EBF3: variants seen among roughly 807,000 people sequenced by gnomAD.
The protein encoded by EBF3 is EBF transcription factor 3.
EBF3 carries 18 observed loss-of-function variants against 77.1 expected under a neutral mutation model. The ratio of observed to expected loss-of-function variants is 0.23; its 90% CI spans 0.16 to 0.35. The LOEUF (loss-of-function observed/expected upper bound fraction) is 0.35. Ranked by LOEUF, EBF3 falls within the 10% of genes least tolerant of loss-of-function variation. The probability of loss-of-function intolerance (pLI) is 1.00; values close to 1 mark genes in which losing one functional copy is unlikely to be tolerated. For synonymous variants in EBF3, 350 were observed against 343.5 expected (o/e 1.02, Z -0.21); for missense variants, 558 against 860.0 (o/e 0.65, Z 4.39).
In EBF3 at chr10:129,837,568, A is replaced by G; in HGVS notation, c.*375T>C. The stretch of plus-strand genomic sequence containing the variant: ...TTCATCAGCGTTTCATGATCATCAA[A>G]ATGGTGCATTCACAAAGTTTCTCCC... On this transcript the variant is annotated 3_prime_UTR_variant, in exon 17 of 17. Coordinates refer to ENST00000440978, the MANE Select transcript of EBF3 (RefSeq NM_001375380.1). 4.4e-6 allele frequency: 1 copy of G among 228,740 alleles called. No individual in the cohort carries two copies. The highest frequency in any genetic ancestry group is 8.6e-6 in the Non-Finnish European group (1 of 116,600). The allele number at this position is 228,740 out of a possible 1,614,324, so 14.2% of individuals were successfully genotyped here.
chr10:129,838,059 G>T (rs1849728476), intron 16 of EBF3, 99 bp from the exon 17 acceptor site: 1 of 1,444,420 alleles, frequency 6.9e-7, no homozygotes, highest in Admixed American at 1.8e-5. Context: ...CTATTCAACT[G>T]GGAGGCTGGT....
intron 6 of EBF3, among the ~76,000 whole-genome samples, chr10:129,953,387 T>G (rs890334394): frequency 3.3e-5 from 5 of 151,830 alleles, no homozygotes; most frequent in Admixed American, 3.3e-4. Flanking sequence ...TGACAAAACT[T>G]CATCCTCCCC....
chr10:129,946,682 G>A (rs189779265), intron 6 of EBF3, among the ~76,000 whole-genome samples: 115 of 152,310 alleles, frequency 7.6e-4, no homozygotes, highest in African/African-American at 1.5e-3. Flanking sequence ...CAAGAGCTCC[G>A]GTGACCAACA....
Position 129,850,164 on chromosome 10 carries a change from C to T in EBF3, c.1040-1684G>A, listed in dbSNP as rs568639132. On this transcript the variant is annotated intron_variant, in intron 10 of 16. Transcript: ENST00000440978. ...ATTTCTAACGTGTCAGGTTTCTCCT[C>T]TCCCCCAGCTAATCACCATGACTGT... Among the ~76,000 whole-genome samples, 11 of 152,374 alleles carry T rather than the reference C, an allele frequency of 7.2e-5. No homozygotes were observed. In the South Asian group the frequency reaches 2.3e-3, roughly 32 times the overall value.
chr10:129,865,503 G>C (rs900173481), intron 10 of EBF3, among the ~76,000 whole-genome samples: 2 of 152,166 alleles, frequency 1.3e-5, no homozygotes, highest in African/African-American at 4.8e-5. Flanking sequence ...CTGAGCGCCT[G>C]GTCCTGTGTG....
At chr10:129,925,591 C>CAAAAAAAAAAA in intron 6 of EBF3, among the ~76,000 whole-genome samples, 1 of 114,578 alleles carries the variant, frequency 8.7e-6, no homozygotes, top group Non-Finnish European at 1.8e-5. Context: ...GACTCCATCT[C>CAAAAAAAAAAA]AAAAAAAAAA....
chr10:129,837,795 G>C lies in EBF3; in HGVS notation c.*148C>G. The stretch of plus-strand genomic sequence containing the variant: ...AGTTTAAATAAAATCTTTAAACAAA[G>C]TCTTTTGTAGCATTTCAATTGCTGC... On this transcript the variant is annotated 3_prime_UTR_variant, in exon 17 of 17. Coordinates refer to ENST00000440978, the MANE Select transcript of EBF3 (RefSeq NM_001375380.1). 5 of 1,008,102 alleles carry C rather than the reference G, an allele frequency of 5.0e-6. No homozygotes were observed. The highest frequency in any genetic ancestry group is 7.4e-6 in the Non-Finnish European group (5 of 675,836). 62.4% of individuals were successfully genotyped at this position (1,008,102 alleles called of 1,614,324 possible).
At chr10:129,908,490 T>C (rs1855296009) in intron 6 of EBF3, among the ~76,000 whole-genome samples, 2 of 152,108 alleles carry the variant, frequency 1.3e-5, no homozygotes, top group South Asian at 4.1e-4. Context: ...CGAATACAAA[T>C]CTCATTCCAA....
intron 6 of EBF3, among the ~76,000 whole-genome samples, chr10:129,912,203 CAAGGTAGAGGGAGAGGCAAGCTGG>C (rs1564881689): frequency 6.6e-6 from 1 of 152,160 alleles, no homozygotes; most frequent in East Asian, 1.9e-4. Flanking sequence ...TCCTGGCCTC[CAAGGTAGAGGGAGAGGCAAGCTGG>C]ACCCCGGAAC....
chr10:129,963,581 G>T lies in EBF3; in HGVS notation c.134+54C>A, dbSNP rs1477282189. 2 of 1,231,804 alleles carry T rather than the reference G, an allele frequency of 1.6e-6. No individual in the cohort carries two copies. Among genetic ancestry groups the T allele is most frequent in the East Asian group, 8.8e-5 (2 of 22,606 alleles). The allele number at this position is 1,231,804 out of a possible 1,614,324, so 76.3% of individuals were successfully genotyped here. A position where few individuals can be genotyped will look rare whatever the true frequency, so the allele number is the denominator to read the frequency against. ...GAGCGCGGCGCCGGCCGGCGGAGGG[G>T]GCCGGGCCGGGCCGGGGCCGGGGCC... On this transcript the variant is annotated intron_variant, in intron 1 of 16. Transcript: ENST00000440978. The surrounding 1 kb of genome is among the most constrained non-coding windows in gnomAD (Gnocchi z 7.1).
At chr10:129,853,938 T>C (rs1474915406) in intron 10 of EBF3, among the ~76,000 whole-genome samples, 1 of 152,198 alleles carries the variant, frequency 6.6e-6, no homozygotes, top group African/African-American at 2.4e-5. Context: ...GAGCAAATGA[T>C]TGTGCGGTGA....
chr10:129,871,923 A>G (rs1158800269), intron 8 of EBF3, among the ~76,000 whole-genome samples: 1 of 152,202 alleles, frequency 6.6e-6, no homozygotes. Context: ...AAAAATCCTG[A>G]GCAAGACTGC....
At position 129,885,164 on chromosome 10, in the gene EBF3, A is replaced by T. The variant is rs1853483732; in HGVS notation, c.555-7315T>A. Reference sequence around the variant, plus strand: ...TCAAGAGGCACTTATAGATACCATGATCTTGTACTTTTGCAATGATTCTCA... The same window carrying T: ...TCAAGAGGCACTTATAGATACCATGTTCTTGTACTTTTGCAATGATTCTCA... On this transcript the variant is annotated intron_variant, in intron 6 of 16. Transcript: ENST00000440978. This position sits in a 1 kb window ranked among gnomAD's most constrained non-coding sequence, Gnocchi z 4.0. 1.3e-5 allele frequency among the ~76,000 whole-genome samples: 2 copies of T among 152,202 alleles called. No homozygotes were observed. Among genetic ancestry groups the T allele is most frequent in the South Asian group, 4.1e-4 (2 of 4,832 alleles).
In EBF3 at chr10:129,943,112, G is replaced by A. The variant is rs535197506; in HGVS notation, c.554+14146C>T. 2.0e-4 allele frequency among the ~76,000 whole-genome samples: 31 copies of A among 152,274 alleles called. No individual in the cohort carries two copies. Among genetic ancestry groups the A allele is most frequent in the South Asian group, 6.2e-4 (3 of 4,824 alleles). On this transcript the variant is annotated intron_variant, in intron 6 of 16. Coordinates refer to ENST00000440978, the MANE Select transcript of EBF3 (RefSeq NM_001375380.1). This position sits in a 1 kb window ranked among gnomAD's most constrained non-coding sequence, Gnocchi z 8.8. The stretch of plus-strand genomic sequence containing the variant: ...ATGGGAATGACTGGATCACTCCACC[G>A]GCTGCTCAAGAAGCCAACAACTTCC...
rs141802774 is a variant in EBF3 at position 129,947,002 on chromosome 10, G to A, written c.554+10256C>T. Among the ~76,000 whole-genome samples, 20 of 152,290 alleles carry A rather than the reference G, an allele frequency of 1.3e-4. No individual in the cohort carries two copies. In the East Asian group the frequency reaches 2.1e-3, roughly 16 times the overall value. On this transcript the variant is annotated intron_variant, in intron 6 of 16. Coordinates refer to ENST00000440978, the MANE Select transcript of EBF3 (RefSeq NM_001375380.1). The surrounding 1 kb of genome is among the most constrained non-coding windows in gnomAD (Gnocchi z 4.5). ...AGCCCATGTCTTGGTAACTGATGGC[G>A]GCTGCCCAGTGGCTGGATCGGGCCG... is the stretch of plus-strand genomic sequence containing the variant.
chr10:129,941,825 G>T (rs918867455), intron 6 of EBF3, among the ~76,000 whole-genome samples: 5 of 152,058 alleles, frequency 3.3e-5, no homozygotes, highest in Non-Finnish European at 7.4e-5. Context: ...ACCAAAGAAG[G>T]GCTCTGCAGA....
chr10:129,844,730 C>T (rs188329473), intron 11 of EBF3, among the ~76,000 whole-genome samples: 4 of 151,914 alleles, frequency 2.6e-5, no homozygotes, highest in Non-Finnish European at 4.4e-5. Flanking sequence ...AAATTGGTGC[C>T]GACGCTTGAT....
rs926537052 is a variant in EBF3, at chr10:129,962,087, C to T, written c.411+84G>A. The T allele has an allele frequency of 9.5e-6, 12 of 1,258,344 alleles. No homozygotes were observed. In the Admixed American group the frequency reaches 2.2e-4, roughly 23 times the overall value. The allele number at this position is 1,258,344 out of a possible 1,614,324, so 77.9% of individuals were successfully genotyped here. A position where few individuals can be genotyped will look rare whatever the true frequency, so the allele number is the denominator to read the frequency against. On this transcript the variant is annotated intron_variant, in intron 4 of 16. Coordinates refer to ENST00000440978, the MANE Select transcript of EBF3 (RefSeq NM_001375380.1). ...CAATGGAAAACAAATACACGAGATCCATTTGTCAGTGCCCTTGCCTCTGAA... is the reference window on the plus strand; with the variant it reads ...CAATGGAAAACAAATACACGAGATCTATTTGTCAGTGCCCTTGCCTCTGAA...
At position 129,842,412 on chromosome 10, in the gene EBF3, T is replaced by C. The variant is rs930323968; in HGVS notation, c.1195-119A>G. 12 of 1,150,418 alleles carry C rather than the reference T, an allele frequency of 1.0e-5. No individual in the cohort carries two copies. The highest frequency in any genetic ancestry group is 1.6e-5 in the African/African-American group (1 of 62,970). 71.3% of individuals were successfully genotyped at this position (1,150,418 alleles called of 1,614,324 possible). On this transcript the variant is annotated intron_variant, in intron 12 of 16. Transcript: ENST00000440978. The surrounding 1 kb of genome is among the most constrained non-coding windows in gnomAD (Gnocchi z 4.4). ...CCCTTGCCCAGACCATGACCAAATC[T>C]ATTTCTTAATGGGCAAAGAGCTTCC...
Sources: gnomAD v4.1 joint callset for allele counts (sites outside exome capture counted in the v4.1 genomes callset) on GRCh38, gnomAD v4.1.1 for gene constraint, Gnocchi (gnomAD v3.1) non-coding constraint, MANE v1.5 for transcripts, NCBI Gene and HGNC (gene_info 2026-07-23, HGNC 2026-07-21) for gene names.